Variants in MORC3 observed in about 807,000 individuals in gnomAD.
MORC3 encodes the protein MORC family CW-type zinc finger 3, also known as MORC family CW-type zinc finger protein 3.
Under a neutral mutation model 109.1 loss-of-function variants are expected in MORC3, and 31 were observed. The ratio of observed to expected loss-of-function variants is 0.28; its 90% confidence interval spans 0.21 to 0.38. The LOEUF is 0.38. MORC3 is among the 10% of genes least tolerant of loss of function. MORC3 has a pLI of 1.00. For missense variants in MORC3, 867 were observed against 1,135.8 expected (o/e 0.76, Z 3.40); for synonymous variants, 395 against 380.7 (o/e 1.04, Z -0.44).
chr21:36,329,014 C>T (rs967189461), intron 1 of MORC3, among the ~76,000 whole-genome samples: 3 of 151,564 alleles, frequency 2.0e-5, no homozygotes, highest in Non-Finnish European at 2.9e-5. Flanking sequence ...GTTTACAGGC[C>T]GGGCAGGGTG....
intron 1 of MORC3, 66 bp downstream of exon 1, chr21:36,320,369 C>T (rs565229091): frequency 1.5e-6 from 2 of 1,310,650 alleles, no homozygotes; most frequent in Admixed American, 3.5e-5. Flanking sequence ...CGAAGGGGGG[C>T]CGGCAGTGGG....
In MORC3 at chr21:36,369,310, G is replaced by A. The variant is rs761468879; in HGVS notation, c.1942G>A (p.Val648Ile). ...TACCCAGACTGAAGTACCAAGTTTA[G>A]TTGTTAAAAAAGAAGAAACTGTTGA... Reference protein sequence around the residue: ...AATQTEVPSLVVKKEETVEDE... With the variant: ...AATQTEVPSLIVKKEETVEDE... Residue 648 changes from valine to isoleucine, a missense_variant, in exon 15 of 17, where the codon GTT (valine) becomes ATT (isoleucine). By Grantham distance (29) the Val-to-Ile change is conservative. Around this residue, in one of 7 missense-constraint regions of MORC3, gnomAD observed 486 missense variants for 502.1 expected, o/e 0.97. Coordinates refer to ENST00000400485, the MANE Select transcript of MORC3 (RefSeq NM_015358.3). The A allele has an allele frequency of 6.2e-7, 1 of 1,614,116 alleles. No homozygotes were observed. The highest frequency in any genetic ancestry group is 1.7e-5 in the Admixed American group (1 of 60,006).
chr21:36,343,449 C>CTT (rs147660327), intron 6 of MORC3, among the ~76,000 whole-genome samples: 7 of 126,132 alleles, frequency 5.5e-5, no homozygotes, highest in African/African-American at 2.1e-4. Context: ...TTTTTGCTTT[C>CTT]TTTTTTTTTT....
At chr21:36,352,708 C>T (rs903360306) in intron 9 of MORC3, among the ~76,000 whole-genome samples, 2 of 152,074 alleles carry the variant, frequency 1.3e-5, no homozygotes, top group Non-Finnish European at 1.5e-5. Context: ...CCTTGAACAG[C>T]GCAGTTATTA....
chr21:36,371,583 A>G (rs2085867952), intron 15 of MORC3, among the ~76,000 whole-genome samples: 2 of 152,212 alleles, frequency 1.3e-5, no homozygotes, highest in Non-Finnish European at 2.9e-5. Context: ...GAATGATTGT[A>G]TTGGTATGCA....
Position 36,367,040 on chromosome 21 carries a change from TA to T in MORC3, c.1620-1947del, listed in dbSNP as rs370815079. 1.6e-3 allele frequency among the ~76,000 whole-genome samples: 243 copies of T among 152,206 alleles called. 1 individual carries two copies. Among genetic ancestry groups the T allele is most frequent in the Middle Eastern group, 0.01 (3 of 294 alleles). ...GGGACTGCTGAAGGTGGAAGATAGA[TA>T]GGGGTGAGAACCAGAGGCTTGGTTG... On this transcript the variant is annotated intron_variant, in intron 14 of 16. Transcript: ENST00000400485.
chr21:36,375,569 T>C lies in MORC3; in HGVS notation c.*273T>C, dbSNP rs2085921322. On this transcript the variant is annotated 3_prime_UTR_variant, in exon 17 of 17. Coordinates refer to ENST00000400485, the MANE Select transcript of MORC3 (RefSeq NM_015358.3). ...TGTAATTAAGCCTGCACATATTTTT[T>C]TATTGCCCTAGAGTACTCAAGTGTT... is the stretch of plus-strand genomic sequence containing the variant. 3.7e-6 allele frequency: 1 copy of C among 269,184 alleles called. No individual in the cohort carries two copies. The highest frequency in any genetic ancestry group is 2.3e-5 in the African/African-American group (1 of 43,958). 16.7% of individuals were successfully genotyped at this position (269,184 alleles called of 1,614,324 possible). A position where few individuals can be genotyped will look rare whatever the true frequency, so the allele number is the denominator to read the frequency against.
Position 36,369,781 on chromosome 21 carries a change from A to C in MORC3, c.2413A>C (p.Ser805Arg). 1.2e-6 allele frequency: 2 copies of C among 1,614,190 alleles called. No homozygotes were observed. Among genetic ancestry groups the C allele is most frequent in the Non-Finnish European group, 1.7e-6 (2 of 1,180,044 alleles). The change falls in exon 15 of 17, where the codon AGT (serine) becomes CGT (arginine). Residue 805 changes from serine (S) to arginine (R), a missense_variant. By Grantham distance (110) the Ser-to-Arg change is moderately radical. Around this residue, in one of 7 missense-constraint regions of MORC3, gnomAD observed 486 missense variants for 502.1 expected, o/e 0.97. Coordinates refer to ENST00000400485, the MANE Select transcript of MORC3 (RefSeq NM_015358.3). ...AECSQCSNNE[S>R]KSEMDEMAVQ... ...ATGCAGCCAGTGTTCCAATAATGAG[A>C]GTAAAAGTGAAATGGATGAGATGGC...
chr21:36,323,891 T>TC (rs902526176), intron 1 of MORC3, among the ~76,000 whole-genome samples: 25 of 152,146 alleles, frequency 1.6e-4, no homozygotes, highest in African/African-American at 5.5e-4. Flanking sequence ...TTTTTTTTTT[T>TC]AGAGACGGAG....
chr21:36,345,059 A>G (rs1263616778), intron 8 of MORC3, 28 bp downstream of exon 8: 1 of 1,568,476 alleles, frequency 6.4e-7, no homozygotes. Flanking sequence ...TTTGAAAAGA[A>G]AATGTCTATT....
At position 36,376,235 on chromosome 21, in the gene MORC3, C is replaced by T. The variant is rs868485844; in HGVS notation, c.*939C>T. 1.8e-4 allele frequency: 27 copies of T among 152,510 alleles called. No homozygotes were observed. The highest frequency in any genetic ancestry group is 2.9e-5 in the Non-Finnish European group (2 of 68,016). 9.4% of individuals were successfully genotyped at this position (152,510 alleles called of 1,614,324 possible). ...TCCTTAGGATTATAGTATTACATGC[C>T]ATAAAATACTATGCTTTATTGGTCC... On this transcript the variant is annotated 3_prime_UTR_variant, in exon 17 of 17. Transcript: ENST00000400485.
chr21:36,362,577 G>T (rs143163477), intron 13 of MORC3, among the ~76,000 whole-genome samples: 39 of 151,938 alleles, frequency 2.6e-4, no homozygotes, highest in African/African-American at 9.2e-4. Flanking sequence ...GGGTCTCACT[G>T]TGTTGACCAG....
chr21:36,347,116 G>A (rs1169641638), intron 8 of MORC3, among the ~76,000 whole-genome samples: 2 of 151,730 alleles, frequency 1.3e-5, no homozygotes, highest in Non-Finnish European at 2.9e-5. Context: ...TCATTTGACT[G>A]CATTTGGATA....
intron 1 of MORC3, among the ~76,000 whole-genome samples, chr21:36,328,206 A>G (rs1181103283): frequency 1.3e-5 from 2 of 151,852 alleles, no homozygotes; most frequent in African/African-American, 4.8e-5. Flanking sequence ...ACATTTACAT[A>G]CATTTGATAT....
At chr21:36,349,179 A>G (rs1313264891) in intron 8 of MORC3, 132 bp from the exon 9 acceptor site, 2 of 668,360 alleles carry the variant, frequency 3.0e-6, no homozygotes, top group Admixed American at 7.1e-5. Flanking sequence ...AACAAATAAA[A>G]ATAAAAATAA....
chr21:36,339,515 AAAAAAG>A lies in MORC3; in HGVS notation c.608+600_608+605del, dbSNP rs894847427. On this transcript the variant is annotated intron_variant, in intron 5 of 16. Transcript: ENST00000400485. ...CCCCGTCTTCTCAAAAAAAAAAAAA[AAAAAAG>A]AAAAAAGAAAAAAAGCAATGAGAAG... is the stretch of plus-strand genomic sequence containing the variant. 2.0e-4 allele frequency: 27 copies of A among 135,862 alleles called. No homozygotes were observed. The South Asian group carries it at 5.5e-3, about 27-fold the overall frequency. 8.4% of individuals were successfully genotyped at this position (135,862 alleles called of 1,614,324 possible).
Position 36,333,491 on chromosome 21 carries a change from T to G in MORC3, c.40-155T>G, listed in dbSNP as rs565922320. 10 of 619,158 alleles carry G rather than the reference T, an allele frequency of 1.6e-5. No homozygotes were observed. In the South Asian group the frequency reaches 1.8e-4, roughly 11 times the overall value. The allele number at this position is 619,158 out of a possible 1,614,324, so 38.4% of individuals were successfully genotyped here. ...CCAGTGTTATCTTCCAAGAATCGTATATTCTAGATTGTATCTTCCAGATGT... is the reference window on the plus strand; with the variant it reads ...CCAGTGTTATCTTCCAAGAATCGTAGATTCTAGATTGTATCTTCCAGATGT... On this transcript the variant is annotated intron_variant, in intron 1 of 16. Transcript: ENST00000400485.
At chr21:36,350,989 C>G (rs150523429) in intron 9 of MORC3, among the ~76,000 whole-genome samples, 12 of 151,098 alleles carry the variant, frequency 7.9e-5, no homozygotes, top group Admixed American at 7.9e-4. Context: ...TAGGAACATT[C>G]CAATTTTACT....
rs1188267417 is a variant in MORC3, at chr21:36,376,477, G to T, written c.*1181G>T. ...TACAGTATTGAATTTTTACTGTATA[G>T]TAATTCTGGAAAGAGCAAATAAATG... On this transcript the variant is annotated 3_prime_UTR_variant, in exon 17 of 17. Coordinates refer to ENST00000400485, the MANE Select transcript of MORC3 (RefSeq NM_015358.3). 1.3e-5 allele frequency: 2 copies of T among 152,134 alleles called. No individual in the cohort carries two copies. Among genetic ancestry groups the T allele is most frequent in the Non-Finnish European group, 2.9e-5 (2 of 68,010 alleles). 9.4% of individuals were successfully genotyped at this position (152,134 alleles called of 1,614,324 possible). A position where few individuals can be genotyped will look rare whatever the true frequency, so the allele number is the denominator to read the frequency against.
Sources: gnomAD v4.1 joint callset for allele counts (sites outside exome capture counted in the v4.1 genomes callset) on GRCh38, gnomAD v4.1.1 for gene constraint, gnomAD v4.1.1 regional missense constraint, MANE v1.5 for transcripts, NCBI Gene and HGNC (gene_info 2026-07-23, HGNC 2026-07-21) for gene names.